The following CTIF variants were observed in gnomAD, a reference collection of about 807,000 sequenced individuals.
CTIF encodes cap binding complex dependent translation initiation factor.
Under a neutral mutation model 66.0 loss-of-function variants are expected in CTIF, and 21 were observed. That is an observed-to-expected ratio of 0.32 (90% CI 0.23 to 0.46). The LOEUF (loss-of-function observed/expected upper bound fraction) is 0.46. Among genes scored for constraint, CTIF ranks in the 20% least tolerant of loss-of-function variants. The pLI is 1.00. For synonymous variants in CTIF, 345 were observed against 326.4 expected (o/e 1.06, Z -0.62); for missense variants, 739 against 812.7 (o/e 0.91, Z 1.10).
intron 9 of CTIF, among the ~76,000 whole-genome samples, chr18:48,769,255 C>T (rs1197765681): frequency 6.6e-6 from 1 of 152,246 alleles, no homozygotes; most frequent in African/African-American, 2.4e-5. Context: ...TTGTTCTGTG[C>T]ATTCCAAAGC....
chr18:48,601,664 G>A (rs572304119), intron 1 of CTIF, among the ~76,000 whole-genome samples: 2 of 152,348 alleles, frequency 1.3e-5, no homozygotes, highest in Admixed American at 6.5e-5. Context: ...AGATGGCATT[G>A]AGACAAGGGC....
intron 1 of CTIF, among the ~76,000 whole-genome samples, chr18:48,598,981 T>C (rs1018218023): frequency 3.9e-5 from 6 of 151,936 alleles, no homozygotes; most frequent in Non-Finnish European, 7.4e-5. Context: ...GTGCATGGAG[T>C]GATCAATGGA....
chr18:48,796,767 A>G (rs992848203), intron 9 of CTIF, among the ~76,000 whole-genome samples: 4 of 152,172 alleles, frequency 2.6e-5, no homozygotes, highest in Non-Finnish European at 5.9e-5. Context: ...CCTCTTTTAC[A>G]TGCTCACAGC....
At chr18:48,611,803 A>G (rs932193393) in intron 1 of CTIF, among the ~76,000 whole-genome samples, 2 of 152,194 alleles carry the variant, frequency 1.3e-5, no homozygotes, top group African/African-American at 2.4e-5. Flanking sequence ...GATATTTTCA[A>G]TTTAGTTATA....
intron 3 of CTIF, among the ~76,000 whole-genome samples, chr18:48,647,321 A>C (rs2091060573): frequency 1.3e-5 from 2 of 152,222 alleles, no homozygotes; most frequent in African/African-American, 4.8e-5. Flanking sequence ...AGGAAAGTGG[A>C]TGTGGCTATA....
intron 9 of CTIF, among the ~76,000 whole-genome samples, chr18:48,803,131 C>T (rs1460056458): frequency 6.6e-6 from 1 of 152,238 alleles, no homozygotes; most frequent in Non-Finnish European, 1.5e-5. Context: ...GCTGAGCCTA[C>T]CTGACCTGAT....
intron 7 of CTIF, among the ~76,000 whole-genome samples, chr18:48,721,853 C>A (rs189971090): frequency 1.3e-5 from 2 of 152,248 alleles, no homozygotes; most frequent in Non-Finnish European, 2.9e-5. Context: ...TGGTTCAGAG[C>A]AATTCTCTTA....
At chr18:48,634,189 G>A (rs915600885) in intron 2 of CTIF, among the ~76,000 whole-genome samples, 1 of 152,152 alleles carries the variant, frequency 6.6e-6, no homozygotes, top group Admixed American at 6.6e-5. Flanking sequence ...TATGTCGAGA[G>A]GGTGCATTTT....
chr18:48,685,253 G>A (rs2091820094), intron 6 of CTIF, among the ~76,000 whole-genome samples: 1 of 150,782 alleles, frequency 6.6e-6, no homozygotes, highest in Non-Finnish European at 1.5e-5. Context: ...ATGGAGTTTT[G>A]CTCTTGTCAC....
intron 10 of CTIF, among the ~76,000 whole-genome samples, chr18:48,842,603 G>C (rs1190033777): frequency 6.6e-6 from 1 of 152,204 alleles, no homozygotes; most frequent in Non-Finnish European, 1.5e-5. Context: ...CCAGAGGCCA[G>C]GGCTGGCCTA....
intron 10 of CTIF, among the ~76,000 whole-genome samples, chr18:48,841,524 C>G (rs944399688): frequency 2.6e-5 from 4 of 152,218 alleles, no homozygotes; most frequent in African/African-American, 9.7e-5. Context: ...AAGCCAGGCC[C>G]GGCGTTCTGA....
intron 9 of CTIF, among the ~76,000 whole-genome samples, chr18:48,797,119 A>G (rs2067938388): frequency 6.6e-6 from 1 of 152,148 alleles, no homozygotes; most frequent in South Asian, 2.1e-4. Flanking sequence ...CCCTATAGGG[A>G]ATATCTAAAC....
intron 11 of CTIF, among the ~76,000 whole-genome samples, chr18:48,857,901 C>T (rs1280866032): frequency 6.6e-6 from 1 of 152,114 alleles, no homozygotes; most frequent in Non-Finnish European, 1.5e-5. Flanking sequence ...TTCCCTGTCC[C>T]CCAAAGACCC....
chr18:48,805,615 C>G (rs915150045), intron 9 of CTIF, among the ~76,000 whole-genome samples: 7 of 152,182 alleles, frequency 4.6e-5, no homozygotes, highest in African/African-American at 1.4e-4. Flanking sequence ...ATCCAATAAG[C>G]CAAGAAACAT....
chr18:48,811,741 T>A (rs190275439), intron 9 of CTIF, among the ~76,000 whole-genome samples: 1 of 152,332 alleles, frequency 6.6e-6, no homozygotes, highest in East Asian at 1.9e-4. Context: ...TCAGAATTTC[T>A]TTCTGTTTTT....
chr18:48,817,409 G>A, intron 10 of CTIF, 33 bp downstream of exon 10: 4 of 1,587,890 alleles, frequency 2.5e-6, no homozygotes, highest in Non-Finnish European at 3.4e-6. Context: ...CCCCTGCACA[G>A]CCAGACAGCA....
intron 10 of CTIF, among the ~76,000 whole-genome samples, chr18:48,831,797 G>T (rs888944199): frequency 1.3e-5 from 2 of 152,174 alleles, no homozygotes; most frequent in African/African-American, 4.8e-5. Flanking sequence ...ATATTAAAAA[G>T]TACCAATGAG....
At chr18:48,820,225 C>T (rs1240902529) in intron 10 of CTIF, among the ~76,000 whole-genome samples, 1 of 152,158 alleles carries the variant, frequency 6.6e-6, no homozygotes. Flanking sequence ...TAAAGGGGTG[C>T]CCTACGGATC....
At chr18:48,607,393 C>T (rs759902607) in intron 1 of CTIF, among the ~76,000 whole-genome samples, 2 of 152,240 alleles carry the variant, frequency 1.3e-5, no homozygotes, top group Non-Finnish European at 2.9e-5. Flanking sequence ...GGCCTGCCCT[C>T]TGACACCCAA....
Sources: gnomAD v4.1 joint callset for allele counts (sites outside exome capture counted in the v4.1 genomes callset) on GRCh38, gnomAD v4.1.1 for gene constraint, MANE v1.5 for transcripts, NCBI Gene and HGNC (gene_info 2026-07-23, HGNC 2026-07-21) for gene names.